PCDH15: variants seen among roughly 807,000 people sequenced by gnomAD.
The protein encoded by PCDH15 is protocadherin related 15.
A neutral mutation model predicts 178.5 loss-of-function variants in PCDH15; 129 were observed. That is an observed-to-expected ratio of 0.72 (90% CI 0.63 to 0.84). The LOEUF (loss-of-function observed/expected upper bound fraction) is 0.84. Ranked by LOEUF, PCDH15 falls within the 40% of genes least tolerant of loss-of-function variation. PCDH15 has a pLI of 0.00. For synonymous variants in PCDH15, 800 were observed against 732.0 expected, an observed-to-expected ratio of 1.09 and a Z score of -1.50; for missense variants, 2,230 against 2,099.9, an observed-to-expected ratio of 1.06 and a Z score of -1.21.
At chr10:54,017,527 T>C (rs1229136764) in intron 20 of PCDH15, among the ~76,000 whole-genome samples, 3 of 152,048 alleles carry the variant, frequency 2.0e-5, no homozygotes, top group Admixed American at 1.3e-4. Context: ...CCTAAACAAA[T>C]TAATTCAGGA....
Position 54,153,051 on chromosome 10 carries a change from G to A in PCDH15, c.1784+49C>T, listed in dbSNP as rs373152977. The A allele has an allele frequency of 5.6e-5, 90 of 1,595,586 alleles. No homozygotes were observed. The African/African-American group carries it at 1.1e-3, about 19-fold the overall frequency. On this transcript the variant is annotated intron_variant, in intron 14 of 37. Coordinates refer to ENST00000644397, the MANE Select transcript of PCDH15 (RefSeq NM_001384140.1). Reference sequence around the variant, plus strand: ...CCGCGCTTCTTAAATTTAATTACAGGGTTAAACGGGCCCGATGAAAAGACT... The same window carrying A: ...CCGCGCTTCTTAAATTTAATTACAGAGTTAAACGGGCCCGATGAAAAGACT...
chr10:54,323,660 A>T (rs886615256), intron 7 of PCDH15, among the ~76,000 whole-genome samples: 1 of 152,128 alleles, frequency 6.6e-6, no homozygotes, highest in Non-Finnish European at 1.5e-5. Context: ...ATGGGAGCTA[A>T]ACACCAAGTG....
At chr10:55,559,451 A>T (rs1385836101) in intron 2 of PCDH15, among the ~76,000 whole-genome samples, 2 of 151,950 alleles carry the variant, frequency 1.3e-5, no homozygotes, top group African/African-American at 4.8e-5. Context: ...GGCCATTATA[A>T]ATGACAAGCA....
chr10:54,096,780 A>G (rs2094707647), intron 15 of PCDH15, among the ~76,000 whole-genome samples: 1 of 152,120 alleles, frequency 6.6e-6, no homozygotes, highest in Non-Finnish European at 1.5e-5. Context: ...CACGTTGGGG[A>G]TTTTGGCTTC....
intron 2 of PCDH15, among the ~76,000 whole-genome samples, chr10:55,342,152 CT>C: frequency 6.6e-6 from 1 of 151,036 alleles, no homozygotes; most frequent in Non-Finnish European, 1.5e-5. Flanking sequence ...TTTAATATTT[CT>C]TTTTAGTAGC....
chr10:54,335,247 T>C (rs949128451), intron 6 of PCDH15, among the ~76,000 whole-genome samples: 9 of 152,326 alleles, frequency 5.9e-5, no homozygotes, highest in Middle Eastern at 3.4e-3. Context: ...TTCTGTTTCA[T>C]ACTGTTAAAA....
chr10:54,754,954 T>TCC (rs1251357975), intron 1 of PCDH15, among the ~76,000 whole-genome samples: 4 of 94,472 alleles, frequency 4.2e-5, no homozygotes, highest in African/African-American at 1.5e-4. Flanking sequence ...TTTTTTTTTT[T>TCC]TTTTTTTTTT....
intron 18 of PCDH15, among the ~76,000 whole-genome samples, chr10:54,025,798 T>C (rs1391068567): frequency 6.6e-6 from 1 of 151,864 alleles, no homozygotes; most frequent in Non-Finnish European, 1.5e-5. Context: ...CGCCTGGCCA[T>C]TTCTTCCATT....
At chr10:55,559,368 G>A (rs1025188432) in intron 2 of PCDH15, among the ~76,000 whole-genome samples, 4 of 152,096 alleles carry the variant, frequency 2.6e-5, no homozygotes, top group East Asian at 1.9e-4. Flanking sequence ...ATACAGTGTA[G>A]TAGAGTTTTA....
intron 3 of PCDH15, among the ~76,000 whole-genome samples, chr10:54,515,441 T>A (rs915022591): frequency 6.6e-6 from 1 of 152,148 alleles, no homozygotes; most frequent in Non-Finnish European, 1.5e-5. Flanking sequence ...GCGCTGGCCA[T>A]TGCCGAGTTA....
intron 2 of PCDH15, among the ~76,000 whole-genome samples, chr10:55,423,544 T>G (rs56122261): frequency 0.25 from 37,811 of 151,882 alleles, 5,422 homozygotes; most frequent in African/African-American, 0.4. Flanking sequence ...TTTCCAGAGC[T>G]AATTAGCTCA....
chr10:54,909,617 A>G (rs1954785703), intron 2 of PCDH15, among the ~76,000 whole-genome samples: 1 of 151,976 alleles, frequency 6.6e-6, no homozygotes, highest in Non-Finnish European at 1.5e-5. Context: ...TCAGAGTGCA[A>G]AGATTCCCTG....
At chr10:55,100,518 T>C (rs564082278) in intron 2 of PCDH15, among the ~76,000 whole-genome samples, 2 of 152,236 alleles carry the variant, frequency 1.3e-5, no homozygotes, top group South Asian at 4.1e-4. Context: ...ACAAAACACA[T>C]GGCACCAGCA....
rs193169321 is a variant in PCDH15, at chr10:53,991,966, C to T, written c.2868+3683G>A. Among the ~76,000 whole-genome samples the T allele has an allele frequency of 2.0e-3, 308 of 152,212 alleles. 2 individuals are homozygous for T. Among genetic ancestry groups the T allele is most frequent in the South Asian group, 0.014 (67 of 4,822 alleles). ...AGCAGCCGCAACCCGCTCGGGTCCC[C>T]TTCCACCCTGTGGAAGCGTTGTTCT... On this transcript the variant is annotated intron_variant, in intron 21 of 37. Transcript: ENST00000644397.
At chr10:55,500,289 A>G (rs1045142925) in intron 2 of PCDH15, among the ~76,000 whole-genome samples, 3 of 151,834 alleles carry the variant, frequency 2.0e-5, no homozygotes, top group African/African-American at 7.2e-5. Flanking sequence ...AATTCAAAAG[A>G]AGATTTAAAT....
intron 3 of PCDH15, among the ~76,000 whole-genome samples, chr10:54,423,178 C>CAA (rs1955773792): frequency 1.3e-5 from 2 of 152,190 alleles, no homozygotes; most frequent in Admixed American, 1.3e-4. Context: ...GCCATATTTA[C>CAA]AGTCAGGGAT....
At chr10:54,335,223 A>G (rs1472130533) in intron 6 of PCDH15, among the ~76,000 whole-genome samples, 1 of 152,148 alleles carries the variant, frequency 6.6e-6, no homozygotes, top group Non-Finnish European at 1.5e-5. Flanking sequence ...AAGTCCCAAC[A>G]CTCTAATCAT....
chr10:55,405,758 GA>G (rs1169531675), intron 2 of PCDH15, among the ~76,000 whole-genome samples: 1 of 151,870 alleles, frequency 6.6e-6, no homozygotes, highest in African/African-American at 2.4e-5. Flanking sequence ...AACCTCTGCA[GA>G]CAGAACATAC....
chr10:55,494,037 T>C (rs570669388), intron 2 of PCDH15, among the ~76,000 whole-genome samples: 79 of 151,854 alleles, frequency 5.2e-4, no homozygotes, highest in Non-Finnish European at 1.1e-3. Flanking sequence ...GTCTAACACA[T>C]AGTCTGTTCT....
Sources: allele counts gnomAD v4.1 joint callset (sites outside exome capture counted in the v4.1 genomes callset), GRCh38; gene constraint gnomAD v4.1.1; transcripts MANE v1.5; gene names NCBI Gene and HGNC (gene_info 2026-07-23, HGNC 2026-07-21).